Variants in SLC35D2 observed in about 807,000 individuals in gnomAD.
The protein encoded by SLC35D2 is nucleotide sugar transporter SLC35D2.
A neutral mutation model predicts 41.8 loss-of-function variants in SLC35D2; 43 were observed. That is an observed-to-expected ratio of 1.03 (90% CI 0.81 to 1.33). The LOEUF (loss-of-function observed/expected upper bound fraction) is 1.33, where lower values mean the gene tolerates loss of function less well. Ranked by LOEUF, SLC35D2 falls within the 40% of genes most tolerant of loss-of-function variation. The pLI is 0.00. For synonymous variants in SLC35D2, 150 were observed against 163.9 expected, an observed-to-expected ratio of 0.92 and a Z score of 0.65; for missense variants, 380 against 408.4, an observed-to-expected ratio of 0.93 and a Z score of 0.60.
Position 96,383,664 on chromosome 9 carries a change from GCCAGCCCCGGCTGCGCA to G in SLC35D2, c.-47_-31del. 4.0e-6 allele frequency: 4 copies of G among 1,006,882 alleles called. No homozygotes were observed. The highest frequency in any genetic ancestry group is 3.5e-6 in the Non-Finnish European group (3 of 845,986). The allele number at this position is 1,006,882 out of a possible 1,614,324, so 62.4% of individuals were successfully genotyped here. A position where few individuals can be genotyped will look rare whatever the true frequency, so the allele number is the denominator to read the frequency against. ...TGCGGCCCCGCGGACCCCGCCGCCC[GCCAGCCCCGGCTGCGCA>G]CTGGTCCCGCCCGGCCGGGCCGGGG... On this transcript the variant is annotated 5_prime_UTR_variant, in exon 1 of 12. Coordinates refer to ENST00000253270, the MANE Select transcript of SLC35D2 (RefSeq NM_007001.3).
Position 96,320,947 on chromosome 9 carries a change from T to C in SLC35D2, c.*295A>G, listed in dbSNP as rs1828187264. 2 of 283,532 alleles carry C rather than the reference T, an allele frequency of 7.1e-6. No individual in the cohort carries two copies. The highest frequency in any genetic ancestry group is 4.4e-5 in the African/African-American group (2 of 45,130). 17.6% of individuals were successfully genotyped at this position (283,532 alleles called of 1,614,324 possible). On this transcript the variant is annotated 3_prime_UTR_variant, in exon 12 of 12. Coordinates refer to ENST00000253270, the MANE Select transcript of SLC35D2 (RefSeq NM_007001.3). ...TCCTCCCCAGCACACAGCACAGAGATGCCACGAAGGCCCCATAGGTCCCTA... is the reference window on the plus strand; with the variant it reads ...TCCTCCCCAGCACACAGCACAGAGACGCCACGAAGGCCCCATAGGTCCCTA...
At chr9:96,352,326 A>G (rs1246647406) in intron 4 of SLC35D2, among the ~76,000 whole-genome samples, 1 of 151,976 alleles carries the variant, frequency 6.6e-6, no homozygotes, top group African/African-American at 2.4e-5. Context: ...TTATTTATTT[A>G]TTTATTTTTT....
chr9:96,330,326 G>A (rs148404429), intron 9 of SLC35D2, among the ~76,000 whole-genome samples: 8 of 152,242 alleles, frequency 5.3e-5, no homozygotes, highest in African/African-American at 1.9e-4. Flanking sequence ...CACACACACA[G>A]ACACCTAAAA....
At chr9:96,373,682 T>C (rs1292043358) in intron 1 of SLC35D2, among the ~76,000 whole-genome samples, 1 of 124,282 alleles carries the variant, frequency 8.0e-6, no homozygotes, top group Non-Finnish European at 1.6e-5. Context: ...AGCAAGACTC[T>C]CTCAAAAAAA....
At chr9:96,351,020 GA>G in intron 6 of SLC35D2, 82 bp downstream of exon 6, 3 of 1,052,964 alleles carry the variant, frequency 2.8e-6, no homozygotes, top group South Asian at 1.3e-5. Flanking sequence ...CAGCCAGATG[GA>G]AAATGAAAAA....
Position 96,321,954 on chromosome 9 carries a change from GTTC to G in SLC35D2, c.914+41_914+43del, listed in dbSNP as rs561287722. ...TTACATATTAATCAGAGTGTTTAAG[GTTC>G]TTGTCTTCCCAAAGCGAGTCCATTA... is the stretch of plus-strand genomic sequence containing the variant. On this transcript the variant is annotated intron_variant, in intron 11 of 11. Transcript: ENST00000253270. The G allele has an allele frequency of 3.0e-4, 344 of 1,140,864 alleles. No individual in the cohort carries two copies. In the African/African-American group the frequency reaches 4.8e-3, roughly 16 times the overall value. The allele number at this position is 1,140,864 out of a possible 1,614,324, so 70.7% of individuals were successfully genotyped here.
intron 8 of SLC35D2, among the ~76,000 whole-genome samples, chr9:96,337,752 C>T (rs937257242): frequency 1.3e-5 from 2 of 151,556 alleles, no homozygotes; most frequent in African/African-American, 2.4e-5. Context: ...GAGGCCGAGG[C>T]GGGTAGATCA....
At chr9:96,341,902 TA>T (rs1246755832) in intron 8 of SLC35D2, among the ~76,000 whole-genome samples, 1 of 151,166 alleles carries the variant, frequency 6.6e-6, no homozygotes, top group East Asian at 1.9e-4. Flanking sequence ...TGAGATGTTT[TA>T]ACAATATTTA....
At chr9:96,355,838 C>T in intron 4 of SLC35D2, among the ~76,000 whole-genome samples, 1 of 151,992 alleles carries the variant, frequency 6.6e-6, no homozygotes, top group Admixed American at 6.6e-5. Context: ...GTAATGAAGA[C>T]CTAAATAAAT....
chr9:96,346,594 T>C lies in SLC35D2; in HGVS notation c.489-1193A>G, dbSNP rs570918162. Reference sequence around the variant, plus strand: ...AATCTTTCTCGGCTCAAAATAATCCTGATCTCACAGTGGCACAGTTTGCAG... The same window carrying C: ...AATCTTTCTCGGCTCAAAATAATCCCGATCTCACAGTGGCACAGTTTGCAG... On this transcript the variant is annotated intron_variant, in intron 6 of 11. Transcript: ENST00000253270. Among the ~76,000 whole-genome samples, 4 of 152,308 alleles carry C rather than the reference T, an allele frequency of 2.6e-5. No homozygotes were observed. In the South Asian group the frequency reaches 8.3e-4, roughly 32 times the overall value.
At chr9:96,316,498 A>T (rs529654630), downstream of SLC35D2, among the ~76,000 whole-genome samples, 1 of 151,462 alleles carries the variant, frequency 6.6e-6, no homozygotes, top group South Asian at 2.1e-4. Context: ...AAAACAAAAA[A>T]AAAAGGGGGG....
At chr9:96,320,556 A>AC (rs1828171501), downstream of SLC35D2, 1 of 147,856 alleles carries the variant, frequency 6.8e-6, no homozygotes, top group Admixed American at 6.8e-5. Flanking sequence ...AAGCCTGAGT[A>AC]TTTTTTTTTT....
chr9:96,333,440 T>C (rs1828901060), intron 9 of SLC35D2, among the ~76,000 whole-genome samples: 1 of 150,142 alleles, frequency 6.7e-6, no homozygotes, highest in East Asian at 2.0e-4. Flanking sequence ...ACTAAAAAAA[T>C]ACAAAAAAAT....
At chr9:96,327,577 ATG>A in intron 9 of SLC35D2, among the ~76,000 whole-genome samples, 1 of 151,814 alleles carries the variant, frequency 6.6e-6, no homozygotes, top group East Asian at 1.9e-4. Context: ...TTAGCAACAG[ATG>A]GCGGCTAGAT....
At chr9:96,365,565 C>T (rs964749786) in intron 2 of SLC35D2, among the ~76,000 whole-genome samples, 1 of 152,040 alleles carries the variant, frequency 6.6e-6, no homozygotes, top group Non-Finnish European at 1.5e-5. Context: ...CCCATAAAGG[C>T]ACGGGAACAT....
intron 4 of SLC35D2, among the ~76,000 whole-genome samples, chr9:96,356,385 T>C (rs1173595574): frequency 1.7e-4 from 26 of 148,672 alleles, no homozygotes; most frequent in Middle Eastern, 3.5e-3. Context: ...ATTTATTCTT[T>C]TTTTTTTTTT....
chr9:96,332,841 C>T (rs1341505911), intron 9 of SLC35D2, among the ~76,000 whole-genome samples: 3 of 151,898 alleles, frequency 2.0e-5, no homozygotes, highest in African/African-American at 7.3e-5. Flanking sequence ...TTGAGTAAAC[C>T]TGAAATGTTA....
rs182151669 is a variant in SLC35D2, at chr9:96,382,431, G to A, written c.158+1046C>T. 1.9e-3 allele frequency among the ~76,000 whole-genome samples: 281 copies of A among 149,378 alleles called. 2 individuals carry two copies. The highest frequency in any genetic ancestry group is 6.8e-3 in the African/African-American group (275 of 40,322). ...ATTGTGTCACTACACTCCAGCCTAG[G>A]CAACAGAGTGAAACCTTGTCTCAAA... On this transcript the variant is annotated intron_variant, in intron 1 of 11. Coordinates refer to ENST00000253270, the MANE Select transcript of SLC35D2 (RefSeq NM_007001.3).
At chr9:96,318,749 G>A (rs529042692), downstream of SLC35D2, among the ~76,000 whole-genome samples, 1 of 152,162 alleles carries the variant, frequency 6.6e-6, no homozygotes, top group East Asian at 1.9e-4. Flanking sequence ...TTGTGCCCAG[G>A]AGTTGCAGAC....
Sources: allele counts gnomAD v4.1 joint callset (sites outside exome capture counted in the v4.1 genomes callset), GRCh38; gene constraint gnomAD v4.1.1; transcripts MANE v1.5; gene names NCBI Gene and HGNC (gene_info 2026-07-23, HGNC 2026-07-21).